STPG2: variants seen among roughly 807,000 people sequenced by gnomAD.
STPG2 encodes sperm tail PG-rich repeat containing 2, also known as sperm-tail PG-rich repeat-containing protein 2.
A neutral mutation model predicts 54.2 loss-of-function variants in STPG2; 56 were observed. The ratio of observed to expected loss-of-function variants is 1.03; its 90% CI spans 0.83 to 1.29. The LOEUF (loss-of-function observed/expected upper bound fraction) is 1.29, where lower values mean the gene tolerates loss of function less well. Among genes scored for constraint, STPG2 ranks in the 50% most tolerant of loss-of-function variants. The probability of loss-of-function intolerance (pLI) is 0.00; values close to 1 mark genes in which losing one functional copy is unlikely to be tolerated. For missense variants in STPG2, 596 were observed against 544.9 expected (o/e 1.09, Z -0.93); for synonymous variants, 200 against 181.8 (o/e 1.10, Z -0.81).
In STPG2 at chr4:97,943,936, G is replaced by A. The variant is rs765802299; in HGVS notation, c.1005C>T (p.Phe335=). The A allele has an allele frequency of 3.1e-6, 5 of 1,593,838 alleles. No homozygotes were observed. The highest frequency in any genetic ancestry group is 4.3e-6 in the Non-Finnish European group (5 of 1,173,924). The change falls in exon 8 of 11, where the codon TTC becomes TTT. Residue 335 remains phenylalanine, a synonymous_variant. Coordinates refer to ENST00000295268, the MANE Select transcript of STPG2 (RefSeq NM_174952.3). ...TCATAGTTCTTTTGGCTCTTGACAA[G>A]AAAGCAGCATATTTGTTAGTCAAGT... ...LPNLTNKYAA[F]LSRAKRTMKV...
At chr4:97,934,067 G>A (rs1732654719) in intron 8 of STPG2, among the ~76,000 whole-genome samples, 1 of 152,104 alleles carries the variant, frequency 6.6e-6, no homozygotes, top group African/African-American at 2.4e-5. Flanking sequence ...TTCTCCTAAA[G>A]AGGTCCTTCA....
chr4:98,141,962 A>AAAAAC (rs1740297316), intron 1 of STPG2, among the ~76,000 whole-genome samples: 2 of 151,358 alleles, frequency 1.3e-5, no homozygotes, highest in African/African-American at 4.9e-5. Flanking sequence ...AAAAAAAAAA[A>AAAAAC]CAGGAGGAAA....
At chr4:97,826,564 T>C (rs1728265852) in intron 9 of STPG2, among the ~76,000 whole-genome samples, 1 of 152,202 alleles carries the variant, frequency 6.6e-6, no homozygotes. Flanking sequence ...TATAAGAACC[T>C]TACCTTATGG....
In STPG2 at chr4:97,526,523, G is replaced by A. The variant is rs147696673; in HGVS notation, c.462+186176C>T. 4.2e-3 allele frequency among the ~76,000 whole-genome samples: 641 copies of A among 151,920 alleles called. 3 individuals carry two copies. Among genetic ancestry groups the A allele is most frequent in the South Asian group, 0.02 (97 of 4,826 alleles). On this transcript the variant is annotated intron_variant, in intron 4 of 4. Coordinates refer to the STPG2 transcript ENST00000522676. ...TATCCTATGTCCACTTTTTGATGGCGCTGTTTTTTTCTTGTAAATTTGTTT... is the reference window on the plus strand; with the variant it reads ...TATCCTATGTCCACTTTTTGATGGCACTGTTTTTTTCTTGTAAATTTGTTT...
Position 97,716,722 on chromosome 4 carries a change from G to A in STPG2, c.1205-3908C>T, listed in dbSNP as rs893200929. ...GGGGGTGGGGGGTGGAAGGCTAGGG[G>A]AGGGATAATAACATTAGGAGAAATA... On this transcript the variant is annotated intron_variant, in intron 9 of 10. Coordinates refer to ENST00000295268, the MANE Select transcript of STPG2 (RefSeq NM_174952.3). 1.5e-4 allele frequency among the ~76,000 whole-genome samples: 23 copies of A among 151,438 alleles called. 1 individual carries two copies. Among genetic ancestry groups the A allele is most frequent in the Admixed American group, 1.2e-3 (19 of 15,222 alleles).
At chr4:98,076,405 CT>C in intron 5 of STPG2, among the ~76,000 whole-genome samples, 1 of 152,256 alleles carries the variant, frequency 6.6e-6, no homozygotes, top group African/African-American at 2.4e-5. Context: ...TACTTTCTGA[CT>C]CATATTTTTA....
chr4:97,719,916 C>T (rs1724398031), intron 9 of STPG2, among the ~76,000 whole-genome samples: 1 of 151,900 alleles, frequency 6.6e-6, no homozygotes, highest in African/African-American at 2.4e-5. Flanking sequence ...TATTTGTAAA[C>T]ATGTTAGAGC....
chr4:97,998,480 T>C (rs1301432559), intron 5 of STPG2, among the ~76,000 whole-genome samples: 1 of 152,108 alleles, frequency 6.6e-6, no homozygotes, highest in Non-Finnish European at 1.5e-5. Context: ...AAATACTACA[T>C]GCATCAGAAA....
At chr4:97,721,283 G>A (rs1414316296) in intron 9 of STPG2, among the ~76,000 whole-genome samples, 1 of 152,018 alleles carries the variant, frequency 6.6e-6, no homozygotes, top group African/African-American at 2.4e-5. Flanking sequence ...ACCTCTGCTG[G>A]TCAGAAAGAC....
chr4:98,124,901 T>A (rs1013148308), intron 3 of STPG2, among the ~76,000 whole-genome samples: 1 of 152,202 alleles, frequency 6.6e-6, no homozygotes, highest in African/African-American at 2.4e-5. Flanking sequence ...TCTAATCATG[T>A]CTGCCTGTCT....
intron 4 of STPG2, among the ~76,000 whole-genome samples, chr4:97,507,241 C>T (rs1730869924): frequency 6.6e-6 from 1 of 151,838 alleles, no homozygotes; most frequent in African/African-American, 2.4e-5. Context: ...AGGACACAAA[C>T]CAAAATATGC....
At chr4:97,855,215 A>C (rs6851840) in intron 8 of STPG2, among the ~76,000 whole-genome samples, 2 of 151,862 alleles carry the variant, frequency 1.3e-5, no homozygotes, top group African/African-American at 2.4e-5. Flanking sequence ...ACAAATATAC[A>C]CATGAATGTA....
chr4:97,827,312 T>G (rs1316175978), intron 9 of STPG2, among the ~76,000 whole-genome samples: 1 of 149,464 alleles, frequency 6.7e-6, no homozygotes, highest in Admixed American at 6.8e-5. Context: ...CTCGGCTCAC[T>G]GCAAGCTCCT....
intron 8 of STPG2, among the ~76,000 whole-genome samples, chr4:97,852,530 G>T (rs1488637228): frequency 6.6e-6 from 1 of 152,138 alleles, no homozygotes; most frequent in Non-Finnish European, 1.5e-5. Flanking sequence ...TTGTCAGTGA[G>T]ACGAATTGTA....
chr4:97,900,123 A>C (rs1377813316), intron 8 of STPG2, among the ~76,000 whole-genome samples: 1 of 152,204 alleles, frequency 6.6e-6, no homozygotes, highest in Non-Finnish European at 1.5e-5. Context: ...ATGAACAGAT[A>C]CTTTTCAAAA....
intron 3 of STPG2, among the ~76,000 whole-genome samples, chr4:98,124,685 G>A (rs1322493052): frequency 6.6e-6 from 1 of 152,066 alleles, no homozygotes; most frequent in Non-Finnish European, 1.5e-5. Context: ...GTATCTTACT[G>A]GGGTTCTCTG....
intron 5 of STPG2, chr4:98,025,546 T>C (rs1736387109): frequency 1.4e-6 from 1 of 711,870 alleles, no homozygotes; most frequent in African/African-American, 1.7e-5. Flanking sequence ...TGATAGTTCG[T>C]GTAACAAACA....
At chr4:97,775,189 G>C (rs770186687) in intron 9 of STPG2, among the ~76,000 whole-genome samples, 3 of 152,168 alleles carry the variant, frequency 2.0e-5, no homozygotes, top group Non-Finnish European at 2.9e-5. Context: ...AATAAAAAGA[G>C]ATGAAGGAAA....
intron 10 of STPG2, among the ~76,000 whole-genome samples, chr4:97,576,359 C>G (rs1578400427): frequency 6.6e-6 from 1 of 150,860 alleles, no homozygotes; most frequent in Admixed American, 6.6e-5. Flanking sequence ...TACCTGACTA[C>G]AAGCCATACT....
Sources: gnomAD v4.1 joint callset for allele counts (sites outside exome capture counted in the v4.1 genomes callset) on GRCh38, gnomAD v4.1.1 for gene constraint, MANE v1.5 for transcripts, NCBI Gene and HGNC (gene_info 2026-07-23, HGNC 2026-07-21) for gene names.